Variants in MAP3K9 observed in about 807,000 individuals in gnomAD.
MAP3K9 encodes mitogen-activated protein kinase kinase kinase 9, also known as mixed lineage kinase 1 (tyr and ser/thr specificity).
In MAP3K9, 46 loss-of-function variants were observed where a neutral mutation model predicts 95.8. The ratio of observed to expected loss-of-function variants is 0.48; its 90% CI spans 0.38 to 0.61. The LOEUF (loss-of-function observed/expected upper bound fraction) is 0.61. Among genes scored for constraint, MAP3K9 ranks in the 20% least tolerant of loss-of-function variants. MAP3K9 has a pLI of 0.00. For synonymous variants in MAP3K9, 533 were observed against 593.8 expected, an observed-to-expected ratio of 0.90 and a Z score of 1.49; for missense variants, 1,296 against 1,474.3, an observed-to-expected ratio of 0.88 and a Z score of 1.98.
At chr14:70,760,865 G>C in intron 3 of MAP3K9, 137 bp downstream of exon 3, 1 of 828,426 alleles carries the variant, frequency 1.2e-6, no homozygotes, top group African/African-American at 1.7e-5. Context: ...AATTGGCATA[G>C]ATGACTCTTG....
intron 7 of MAP3K9, 116 bp from the exon 8 acceptor site, chr14:70,738,514 T>A (rs1253879227): frequency 1.1e-6 from 1 of 918,588 alleles, no homozygotes; most frequent in Non-Finnish European, 1.6e-6. Flanking sequence ...AAGTTAGACC[T>A]TATCAAAAAC....
chr14:70,765,897 T>C (rs2054448237), intron 2 of MAP3K9, among the ~76,000 whole-genome samples: 1 of 152,070 alleles, frequency 6.6e-6, no homozygotes, highest in South Asian at 2.1e-4. Context: ...GATGCATTTC[T>C]CAGAATGTAT....
intron 7 of MAP3K9, chr14:70,739,763 C>T: frequency 1.1e-6 from 1 of 946,562 alleles, no homozygotes; most frequent in Non-Finnish European, 1.5e-6. Flanking sequence ...ACACCAGTTT[C>T]TAAATTGCTT....
intron 1 of MAP3K9, among the ~76,000 whole-genome samples, 167 bp from the exon 2 acceptor site, chr14:70,801,247 TATTTTCCTTTGC>T (rs148586654): frequency 0.018 from 2,762 of 152,226 alleles, 53 homozygotes; most frequent in East Asian, 0.094. Context: ...GCAATCAACT[TATTTTCCTTTGC>T]ATTTTCCTTA....
chr14:70,789,535 T>C (rs1225060160), intron 2 of MAP3K9, among the ~76,000 whole-genome samples: 3 of 152,222 alleles, frequency 2.0e-5, no homozygotes, highest in African/African-American at 7.2e-5. Context: ...TGCTCATTTC[T>C]GTGTTGTTCA....
At chr14:70,805,401 C>G (rs1259015505) in intron 1 of MAP3K9, among the ~76,000 whole-genome samples, 1 of 152,102 alleles carries the variant, frequency 6.6e-6, no homozygotes, top group Non-Finnish European at 1.5e-5. Context: ...GATTGCATCT[C>G]CCAAGATAAT....
In MAP3K9 at chr14:70,809,287, G is replaced by C; in HGVS notation, c.-116C>G. On this transcript the variant is annotated 5_prime_UTR_variant, in exon 1 of 12. Transcript: ENST00000554752. ...CCCCCCCCCAACGACGGCGGCCGCAGGTAGGGCCCGGGCTGGCAGGGCTGG... is the reference window on the plus strand; with the variant it reads ...CCCCCCCCCAACGACGGCGGCCGCACGTAGGGCCCGGGCTGGCAGGGCTGG... 1 of 1,203,824 alleles carries C rather than the reference G, an allele frequency of 8.3e-7. No individual in the cohort carries two copies. The highest frequency in any genetic ancestry group is 1.0e-6 in the Non-Finnish European group (1 of 960,654). The allele number at this position is 1,203,824 out of a possible 1,614,324, so 74.6% of individuals were successfully genotyped here.
intron 7 of MAP3K9, among the ~76,000 whole-genome samples, chr14:70,739,193 A>C (rs980108091): frequency 6.6e-6 from 1 of 152,202 alleles, no homozygotes; most frequent in Non-Finnish European, 1.5e-5. Flanking sequence ...GCAGTGGCGC[A>C]ATCTTGGCTC....
Position 70,800,878 on chromosome 14 carries a change from G to A in MAP3K9, c.609C>T (p.Ile203=), listed in dbSNP as rs1337468614. 6.2e-7 allele frequency: 1 copy of A among 1,614,206 alleles called. No individual in the cohort carries two copies. The highest frequency in any genetic ancestry group is 1.3e-5 in the African/African-American group (1 of 75,068). ...KLFAMLKHPN[I]IALRGVCLKE... ...TCAGACATACCCCTCTTAGGGCAAT[G>A]ATGTTGGGGTGCTTCAGCATGGCGA... is the stretch of plus-strand genomic sequence containing the variant. The change falls in exon 2 of 12, where the codon ATC becomes ATT. Residue 203 remains isoleucine, a synonymous_variant. Transcript: ENST00000554752.
At chr14:70,742,316 T>C in intron 6 of MAP3K9, 35 bp downstream of exon 6, 1 of 1,604,170 alleles carries the variant, frequency 6.2e-7, no homozygotes, top group Non-Finnish European at 8.5e-7. Context: ...TTCTTTGCCC[T>C]GCTCCCACTT....
chr14:70,788,868 A>G (rs1304147937), intron 2 of MAP3K9, among the ~76,000 whole-genome samples: 5 of 152,242 alleles, frequency 3.3e-5, no homozygotes, highest in Admixed American at 6.5e-5. Context: ...AACTCAAAAT[A>G]AAATCTCTTC....
At chr14:70,772,719 A>C (rs150586698) in intron 2 of MAP3K9, among the ~76,000 whole-genome samples, 43 of 152,336 alleles carry the variant, frequency 2.8e-4, no homozygotes, top group African/African-American at 1.0e-3. Flanking sequence ...GTTGATTAAG[A>C]AGAAAATAAT....
At chr14:70,770,682 G>A (rs2054519448) in intron 2 of MAP3K9, among the ~76,000 whole-genome samples, 1 of 152,182 alleles carries the variant, frequency 6.6e-6, no homozygotes, top group African/African-American at 2.4e-5. Context: ...CAGTCCTCCA[G>A]TTAAATCAAT....
intron 5 of MAP3K9, among the ~76,000 whole-genome samples, 154 bp from the exon 6 acceptor site, chr14:70,742,745 T>C (rs905183285): frequency 2.6e-5 from 4 of 151,734 alleles, no homozygotes; most frequent in Non-Finnish European, 4.4e-5. Flanking sequence ...AGCTGGTAAA[T>C]GAACATTAGA....
chr14:70,738,194 T>C (rs1349436535), intron 8 of MAP3K9, 51 bp downstream of exon 8: 3 of 1,518,090 alleles, frequency 2.0e-6, no homozygotes, highest in Admixed American at 2.2e-5. Context: ...TATGTTTAAA[T>C]GGTACATCCA....
At chr14:70,734,217 C>G (rs1368716321) in intron 10 of MAP3K9, among the ~76,000 whole-genome samples, 169 bp downstream of exon 10, 1 of 152,234 alleles carries the variant, frequency 6.6e-6, no homozygotes, top group Non-Finnish European at 1.5e-5. Context: ...CCCCTTAATA[C>G]AAGTGTAGTA....
At chr14:70,757,343 T>A (rs1278775965) in intron 3 of MAP3K9, among the ~76,000 whole-genome samples, 1 of 150,626 alleles carries the variant, frequency 6.6e-6, no homozygotes, top group African/African-American at 2.4e-5. Flanking sequence ...TGCCTGTAGC[T>A]CCAGCCACTT....
At chr14:70,769,121 G>C (rs991647319) in intron 2 of MAP3K9, among the ~76,000 whole-genome samples, 40 of 149,772 alleles carry the variant, frequency 2.7e-4, no homozygotes, top group Non-Finnish European at 5.3e-4. Context: ...TGAGGCAGGA[G>C]AATGGCTTGA....
intron 2 of MAP3K9, among the ~76,000 whole-genome samples, chr14:70,798,132 T>C (rs2054884943): frequency 6.6e-6 from 1 of 152,190 alleles, no homozygotes; most frequent in Admixed American, 6.5e-5. Context: ...TGCCCTCTCC[T>C]ACAAACAGCA....
Sources: gnomAD v4.1 joint callset for allele counts (sites outside exome capture counted in the v4.1 genomes callset) on GRCh38, gnomAD v4.1.1 for gene constraint, MANE v1.5 for transcripts, NCBI Gene and HGNC (gene_info 2026-07-23, HGNC 2026-07-21) for gene names.